ZMAT4: variants seen among roughly 807,000 people sequenced by gnomAD.
The protein encoded by ZMAT4 is zinc finger matrin-type protein 4.
A neutral mutation model predicts 28.7 loss-of-function variants in ZMAT4; 17 were observed. That is an observed-to-expected ratio of 0.59 (90% CI 0.41 to 0.89). The LOEUF (loss-of-function observed/expected upper bound fraction) is 0.89. Among genes scored for constraint, ZMAT4 ranks in the 40% least tolerant of loss-of-function variants. ZMAT4 has a pLI of 0.00. For missense variants in ZMAT4, 240 were observed against 283.8 expected (o/e 0.85, Z 1.11); for synonymous variants, 117 against 109.2 (o/e 1.07, Z -0.44).
intron 1 of ZMAT4, among the ~76,000 whole-genome samples, chr8:40,886,146 A>G (rs975445765): frequency 2.0e-5 from 3 of 152,266 alleles, no homozygotes; most frequent in African/African-American, 4.8e-5. Flanking sequence ...TGCCTCATGG[A>G]GAAATCAAAG....
chr8:40,715,365 A>G (rs548749016), intron 3 of ZMAT4, among the ~76,000 whole-genome samples: 31 of 152,290 alleles, frequency 2.0e-4, no homozygotes, highest in African/African-American at 6.7e-4. Flanking sequence ...AGGCAAAGCC[A>G]TAAAGAGGCA....
intron 3 of ZMAT4, among the ~76,000 whole-genome samples, chr8:40,700,058 T>A (rs539828898): frequency 6.6e-6 from 1 of 152,328 alleles, no homozygotes; most frequent in South Asian, 2.1e-4. Context: ...TGGTATGTAT[T>A]TACCCAACAC....
chr8:40,685,733 C>T (rs1809374886), intron 4 of ZMAT4, among the ~76,000 whole-genome samples: 2 of 152,008 alleles, frequency 1.3e-5, no homozygotes, highest in Admixed American at 1.3e-4. Flanking sequence ...TAAAGAAGCC[C>T]ATCTCAGGCC....
At chr8:40,876,669 A>C (rs1365193363) in intron 1 of ZMAT4, among the ~76,000 whole-genome samples, 2 of 152,244 alleles carry the variant, frequency 1.3e-5, no homozygotes, top group African/African-American at 2.4e-5. Flanking sequence ...TTATAATAAG[A>C]AAACAGTATA....
chr8:40,889,222 C>A (rs1384121026), intron 1 of ZMAT4, among the ~76,000 whole-genome samples: 3 of 152,246 alleles, frequency 2.0e-5, no homozygotes, highest in Non-Finnish European at 4.4e-5. Flanking sequence ...ATTCCCTGCA[C>A]AGGGATCTTG....
At chr8:40,625,825 G>T (rs28579734) in intron 5 of ZMAT4, among the ~76,000 whole-genome samples, 1 of 41,458 alleles carries the variant, frequency 2.4e-5, no homozygotes, top group South Asian at 1.8e-3. Flanking sequence ...AGACCAGACT[G>T]GGGGGCTGGG....
chr8:40,784,413 T>C (rs1813977515), intron 2 of ZMAT4, among the ~76,000 whole-genome samples: 2 of 152,176 alleles, frequency 1.3e-5, no homozygotes, highest in African/African-American at 4.8e-5. Context: ...AAGATAGGGC[T>C]GTTCTTCTCT....
intron 5 of ZMAT4, among the ~76,000 whole-genome samples, chr8:40,636,663 T>G (rs1255656791): frequency 1.3e-5 from 2 of 152,174 alleles, no homozygotes; most frequent in African/African-American, 4.8e-5. Flanking sequence ...AGCTTGTAAT[T>G]AAAAGGTGGA....
intron 6 of ZMAT4, among the ~76,000 whole-genome samples, chr8:40,550,689 A>G (rs1400999099): frequency 1.3e-5 from 2 of 152,090 alleles, no homozygotes. Flanking sequence ...GGGTCACTCC[A>G]TCCTGCTGCC....
At chr8:40,887,027 C>T (rs1818478690) in intron 1 of ZMAT4, among the ~76,000 whole-genome samples, 1 of 151,428 alleles carries the variant, frequency 6.6e-6, no homozygotes, top group Non-Finnish European at 1.5e-5. Flanking sequence ...AAAAATTAAC[C>T]TGGCGTGGTG....
chr8:40,705,263 A>G (rs1250415879), intron 3 of ZMAT4, among the ~76,000 whole-genome samples: 2 of 152,194 alleles, frequency 1.3e-5, no homozygotes, highest in Non-Finnish European at 2.9e-5. Flanking sequence ...AGTTCCTGAG[A>G]GAGGACAACT....
intron 4 of ZMAT4, among the ~76,000 whole-genome samples, chr8:40,684,895 C>A (rs562180197): frequency 2.0e-5 from 3 of 152,000 alleles, no homozygotes; most frequent in Non-Finnish European, 4.4e-5. Context: ...CTACCACCCC[C>A]ACCCCTGAAA....
At chr8:40,617,717 G>A (rs1385969272) in intron 5 of ZMAT4, among the ~76,000 whole-genome samples, 1 of 152,054 alleles carries the variant, frequency 6.6e-6, no homozygotes, top group Non-Finnish European at 1.5e-5. Flanking sequence ...GTTGAAGCAG[G>A]GTCCCTGCAT....
In ZMAT4 at chr8:40,581,241, A is replaced by C; in HGVS notation, c.598T>G (p.Cys200Gly). The part of the protein sequence containing the change: ...ELRGLRRNYR[C>G]TICSVSLNSI... Reference sequence around the variant, plus strand: ...TTTAGGGAGACACTGCAGATGGTACATCTGTAATTGCGCCTCAGACCTGTG... The same window carrying C: ...TTTAGGGAGACACTGCAGATGGTACCTCTGTAATTGCGCCTCAGACCTGTG... Residue 200 changes from cysteine to glycine, a missense_variant, in exon 6 of 7, where the codon TGT (cysteine) becomes GGT (glycine). Physicochemically the swap from Cys to Gly is radical, Grantham distance 159. Coordinates refer to ENST00000297737, the MANE Select transcript of ZMAT4 (RefSeq NM_024645.3). The C allele has an allele frequency of 6.2e-7, 1 of 1,613,344 alleles. No individual in the cohort carries two copies. Among genetic ancestry groups the C allele is most frequent in the Non-Finnish European group, 8.5e-7 (1 of 1,179,442 alleles).
chr8:40,567,782 T>A (rs1262319834), intron 6 of ZMAT4, among the ~76,000 whole-genome samples: 1 of 151,954 alleles, frequency 6.6e-6, no homozygotes, highest in Non-Finnish European at 1.5e-5. Context: ...TAAATAACAG[T>A]GTTTAACACT....
chr8:40,824,802 C>T (rs937494784), intron 2 of ZMAT4, among the ~76,000 whole-genome samples: 1 of 152,118 alleles, frequency 6.6e-6, no homozygotes, highest in Non-Finnish European at 1.5e-5. Context: ...CATGTTCCTA[C>T]TAGTATATGT....
chr8:40,877,787 A>G (rs1297342045), intron 1 of ZMAT4, among the ~76,000 whole-genome samples: 1 of 152,194 alleles, frequency 6.6e-6, no homozygotes, highest in East Asian at 1.9e-4. Flanking sequence ...TGGGTGGCAG[A>G]GAAAAAAATC....
rs117255362 is a variant in ZMAT4 at position 40,754,782 on chromosome 8, C to A, written c.192+12859G>T. Among the ~76,000 whole-genome samples the A allele has an allele frequency of 3.5e-3, 540 of 152,178 alleles. 2 individuals are homozygous for A. The highest frequency in any genetic ancestry group is 5.9e-3 in the Non-Finnish European group (400 of 68,012). On this transcript the variant is annotated intron_variant, in intron 3 of 6. Transcript: ENST00000297737. ...ATCCTAGCACTTTGAGAGGCCAAGACGGGAAGAATCGTTTGAGGCCAGAGG... is the reference window on the plus strand; with the variant it reads ...ATCCTAGCACTTTGAGAGGCCAAGAAGGGAAGAATCGTTTGAGGCCAGAGG...
intron 3 of ZMAT4, among the ~76,000 whole-genome samples, chr8:40,698,249 G>C (rs750580430): frequency 6.6e-6 from 1 of 152,060 alleles, no homozygotes; most frequent in Non-Finnish European, 1.5e-5. Context: ...AATCCAGCTG[G>C]ATTTTTATTC....
Sources: allele counts gnomAD v4.1 joint callset (sites outside exome capture counted in the v4.1 genomes callset), GRCh38; gene constraint gnomAD v4.1.1; transcripts MANE v1.5; gene names NCBI Gene and HGNC (gene_info 2026-07-23, HGNC 2026-07-21).